The following ACSS1 variants were observed in gnomAD, a reference collection of about 807,000 sequenced individuals.
ACSS1 encodes acyl-CoA synthetase short chain family member 1.
A neutral mutation model predicts 75.3 loss-of-function variants in ACSS1; 42 were observed. That is an observed-to-expected ratio of 0.56 (90% CI 0.44 to 0.72). The LOEUF (loss-of-function observed/expected upper bound fraction) is 0.72, where lower values mean the gene tolerates loss of function less well. Ranked by LOEUF, ACSS1 falls within the 30% of genes least tolerant of loss-of-function variation. The probability of loss-of-function intolerance (pLI) is 0.00; values close to 1 mark genes in which losing one functional copy is unlikely to be tolerated. For missense variants in ACSS1, 782 were observed against 935.7 expected (o/e 0.84, Z 2.14); for synonymous variants, 380 against 376.8 (o/e 1.01, Z -0.10).
rs772278659 is a variant in ACSS1 at position 25,012,843 on chromosome 20, C to T, written c.1676G>A (p.Arg559Gln). The change falls in exon 11 of 14, where the codon CGG (arginine) becomes CAG (glutamine). Residue 559 changes from arginine (R) to glutamine (Q), a missense_variant. Physicochemically the swap from Arg to Gln is conservative, Grantham distance 43. This residue lies in a region of ACSS1 where 405 missense variants were observed against 552.6 expected (regional missense o/e 0.73). Transcript: ENST00000323482. ...MDDVINISGH[R>Q]LGTAEIEDAI... ...GTCCTCAATCTCTGCGGTCCCCAGC[C>T]GGTGGCCACTGATGTTGATGACATC... 6 of 1,614,024 alleles carry T rather than the reference C, an allele frequency of 3.7e-6. No individual in the cohort carries two copies. The highest frequency in any genetic ancestry group is 5.1e-6 in the Non-Finnish European group (6 of 1,180,036).
intron 12 of ACSS1, chr20:25,012,395 A>G (rs1266457983): frequency 3.2e-6 from 2 of 632,690 alleles, no homozygotes; most frequent in Non-Finnish European, 5.4e-6. Flanking sequence ...AGGACAGCAG[A>G]ACCAGGGCAT....
chr20:25,022,722 ATCTGG>A (rs1324373471), intron 5 of ACSS1, among the ~76,000 whole-genome samples: 1 of 152,280 alleles, frequency 6.6e-6, no homozygotes, highest in Non-Finnish European at 1.5e-5. Context: ...TGATCAGATT[ATCTGG>A]GAGTTTCCAG....
intron 2 of ACSS1, among the ~76,000 whole-genome samples, chr20:25,042,529 G>A (rs2089021360): frequency 6.6e-6 from 1 of 152,190 alleles, no homozygotes; most frequent in Non-Finnish European, 1.5e-5. Context: ...CAACGAGGCT[G>A]TTCCCCCACA....
At position 25,009,300 on chromosome 20, in the gene ACSS1, G is replaced by C; in HGVS notation, c.1860C>G (p.Ile620Met). ...TCTCATCAGGCACAGCATATTTGGC[G>C]ATCTTGGTGGCCACCATGGACTTGA... The part of the protein sequence containing the change: ...QELKSMVATK[I>M]AKYAVPDEIL... The change falls in exon 13 of 14, where the codon ATC becomes ATG. Residue 620 changes from isoleucine (I) to methionine (M), a missense_variant. Coordinates refer to ENST00000323482, the MANE Select transcript of ACSS1 (RefSeq NM_032501.4). The C allele has an allele frequency of 1.2e-6, 2 of 1,614,116 alleles. No individual in the cohort carries two copies. The highest frequency in any genetic ancestry group is 1.7e-6 in the Non-Finnish European group (2 of 1,179,962).
At chr20:25,016,506 TA>T (rs2122610999) in intron 7 of ACSS1, among the ~76,000 whole-genome samples, 1 of 152,334 alleles carries the variant, frequency 6.6e-6, no homozygotes, top group South Asian at 2.1e-4. Context: ...GTGCTATCAC[TA>T]AAACACTGAA....
chr20:25,046,943 C>T, intron 2 of ACSS1: 3 of 779,200 alleles, frequency 3.9e-6, no homozygotes, highest in African/African-American at 1.7e-5. Context: ...AGCAAAGGAG[C>T]CCTGGCCGAG....
At position 25,013,583 on chromosome 20, in the gene ACSS1, T is replaced by G; in HGVS notation, c.1532A>C (p.Tyr511Ser). 1 of 1,609,326 alleles carries G rather than the reference T, an allele frequency of 6.2e-7. No homozygotes were observed. Among genetic ancestry groups the G allele is most frequent in the Non-Finnish European group, 8.5e-7 (1 of 1,176,462 alleles). Reference sequence around the variant, plus strand: ...GTCCACAAATCGCTGGTGGTCGCCATAGATGGTCCTGGCCATGCCCGGCCA... The same window carrying G: ...GTCCACAAATCGCTGGTGGTCGCCAGAGATGGTCCTGGCCATGCCCGGCCA... ...QAWPGMARTIYGDHQRFVDAY... is the reference protein window; with the variant it reads ...QAWPGMARTISGDHQRFVDAY... Residue 511 changes from tyrosine (Y) to serine (S), a missense_variant, in exon 10 of 14, where the codon TAT (tyrosine) becomes TCT (serine). Transcript: ENST00000323482.
rs1181179028 is a variant in ACSS1, at chr20:25,006,501, C to G, written c.*1261G>C. 3 of 242,102 alleles carry G rather than the reference C, an allele frequency of 1.2e-5. No individual in the cohort carries two copies. The highest frequency in any genetic ancestry group is 6.7e-5 in the African/African-American group (3 of 45,046). 15.0% of individuals were successfully genotyped at this position (242,102 alleles called of 1,614,324 possible). ...CACTCACCCAAGAGGCCAGCACAAC[C>G]ACGACCGAGTGGGTACTCAGTGGCC... On this transcript the variant is annotated 3_prime_UTR_variant, in exon 14 of 14. Transcript: ENST00000323482.
intron 2 of ACSS1, among the ~76,000 whole-genome samples, chr20:25,047,125 G>C (rs990768845): frequency 3.3e-5 from 5 of 152,228 alleles, no homozygotes; most frequent in African/African-American, 1.2e-4. Context: ...GATAAAATTG[G>C]AGTTCAAGAA....
In ACSS1 at chr20:25,030,969, G is replaced by T. The variant is rs1417764922; in HGVS notation, c.432-11C>A. 6.2e-7 allele frequency: 1 copy of T among 1,613,402 alleles called. No homozygotes were observed. The highest frequency in any genetic ancestry group is 8.5e-7 in the Non-Finnish European group (1 of 1,179,660). ...GTCTCCAGTAGTTCCCTGCAGCACA[G>T]GGAAGAGAAAGCCATCAGAGATGGA... On this transcript the variant is annotated splice_polypyrimidine_tract_variant and intron_variant, in intron 2 of 13. Transcript: ENST00000323482.
At chr20:25,009,448 G>A (rs1273396455) in intron 12 of ACSS1, 60 bp from the exon 13 acceptor site, 3 of 1,404,560 alleles carry the variant, frequency 2.1e-6, no homozygotes, top group African/African-American at 2.8e-5. Context: ...CAACTCCCGA[G>A]GCAGGGTGCT....
intron 6 of ACSS1, among the ~76,000 whole-genome samples, chr20:25,020,452 C>T (rs534055711): frequency 6.6e-6 from 1 of 152,362 alleles, no homozygotes; most frequent in East Asian, 1.9e-4. Flanking sequence ...TTTAATAACC[C>T]ATGGAGCATT....
intron 12 of ACSS1, chr20:25,010,909 T>A (rs1480473747): frequency 6.6e-6 from 1 of 152,216 alleles, no homozygotes; most frequent in Non-Finnish European, 1.5e-5. Context: ...GGCTGCCCTT[T>A]TTCAGAGCTG....
Position 25,023,499 on chromosome 20 carries a change from G to A in ACSS1, c.774C>T (p.Val258=), listed in dbSNP as rs2122645628. ...GCGGGACGTCCAGATCCCCCATGTG[G>A]ACCTTGTTGTCTGTCCTGTGAGCCA... ...VLVAHRTDNK[V]HMGDLDVPLE... is the part of the protein sequence containing the mutation. The change falls in exon 4 of 14, where the codon GTC becomes GTT. Residue 258 remains valine (V), a synonymous_variant. Coordinates refer to ENST00000323482, the MANE Select transcript of ACSS1 (RefSeq NM_032501.4). The A allele has an allele frequency of 6.2e-7, 1 of 1,614,118 alleles. No individual in the cohort carries two copies. Among genetic ancestry groups the A allele is most frequent in the East Asian group, 2.2e-5 (1 of 44,870 alleles).
chr20:25,033,158 A>G (rs2088855784), intron 2 of ACSS1, among the ~76,000 whole-genome samples: 1 of 152,246 alleles, frequency 6.6e-6, no homozygotes, highest in Non-Finnish European at 1.5e-5. Context: ...AGAGTCACTC[A>G]ACATCTTCAG....
chr20:25,017,622 C>A (rs1568832096), intron 7 of ACSS1, among the ~76,000 whole-genome samples: 1 of 152,230 alleles, frequency 6.6e-6, no homozygotes, highest in African/African-American at 2.4e-5. Flanking sequence ...GCTAAATACA[C>A]AAAACCCAGC....
At position 25,007,150 on chromosome 20, in the gene ACSS1, C is replaced by A. The variant is rs963622908; in HGVS notation, c.*612G>T. 1 of 1,326,744 alleles carries A rather than the reference C, an allele frequency of 7.5e-7. No homozygotes were observed. Among genetic ancestry groups the A allele is most frequent in the Non-Finnish European group, 9.6e-7 (1 of 1,039,052 alleles). 82.2% of individuals were successfully genotyped at this position (1,326,744 alleles called of 1,614,324 possible). On this transcript the variant is annotated 3_prime_UTR_variant, in exon 14 of 14. Coordinates refer to ENST00000323482, the MANE Select transcript of ACSS1 (RefSeq NM_032501.4). The stretch of plus-strand genomic sequence containing the variant: ...CAAGGGAACTGTTTAGACAGAGGTA[C>A]AAACATCTCCAATTCAGACTTCCAA...
chr20:25,036,281 G>A (rs988713636), intron 2 of ACSS1, among the ~76,000 whole-genome samples: 7 of 152,180 alleles, frequency 4.6e-5, no homozygotes, highest in South Asian at 2.1e-4. Context: ...GGAAAACGCT[G>A]ACTGGCCTTG....
In ACSS1 at chr20:25,058,010, C is replaced by T. The variant is rs2089269941; in HGVS notation, c.93G>A (p.Val31=). ...CCGAGGCCGCCCTGCGCGGCGCGCT[C>T]ACCCCGCACGGCGGCCGCGCGGGCT... ...SGQPARPPCG[V]SAPRRAASGP... is the part of the protein sequence containing the mutation. Residue 31 remains valine (V), a synonymous_variant, in exon 1 of 14, where the codon GTG becomes GTA. Transcript: ENST00000323482. The T allele has an allele frequency of 6.9e-7, 1 of 1,447,604 alleles. No homozygotes were observed. Among genetic ancestry groups the T allele is most frequent in the Non-Finnish European group, 9.1e-7 (1 of 1,103,124 alleles). 89.7% of individuals were successfully genotyped at this position (1,447,604 alleles called of 1,614,324 possible).
Sources: gnomAD v4.1 joint callset for allele counts (sites outside exome capture counted in the v4.1 genomes callset) on GRCh38, gnomAD v4.1.1 for gene constraint, gnomAD v4.1.1 regional missense constraint, MANE v1.5 for transcripts, NCBI Gene and HGNC (gene_info 2026-07-23, HGNC 2026-07-21) for gene names.